CCNL1: variants seen among roughly 807,000 people sequenced by gnomAD.
CCNL1 encodes the protein cyclin-L1.
In CCNL1, 13 loss-of-function variants were observed where a neutral mutation model predicts 60.6. The observed-to-expected ratio is 0.21, with a 90% CI of 0.14 to 0.34. The LOEUF (loss-of-function observed/expected upper bound fraction) is 0.34, where lower values mean the gene tolerates loss of function less well. Ranked by LOEUF, CCNL1 falls within the 10% of genes least tolerant of loss-of-function variation. The pLI is 1.00. For missense variants in CCNL1, 481 were observed against 664.3 expected (o/e 0.72, Z 3.03); for synonymous variants, 270 against 244.3 (o/e 1.10, Z -0.98).
chr3:157,147,157 G>A (rs1737811851), downstream of CCNL1, among the ~76,000 whole-genome samples: 1 of 152,042 alleles, frequency 6.6e-6, no homozygotes, highest in Non-Finnish European at 1.5e-5. Context: ...AAGTCTAGTG[G>A]ACAATTAAAG....
rs1359647959 is a variant in CCNL1 at position 157,148,375 on chromosome 3, C to G, written c.1447G>C (p.Asp483His). The G allele has an allele frequency of 3.7e-6, 6 of 1,614,198 alleles. No individual in the cohort carries two copies. Among genetic ancestry groups the G allele is most frequent in the Admixed American group, 1.7e-5 (1 of 60,022 alleles). Residue 483 changes from aspartate to histidine, a missense_variant, in exon 11 of 11, where the codon GAT becomes CAT. Transcript: ENST00000295926. ...RSQSKSRDHS[D>H]AAKKHRHERG... ...TCATGCCTGTGTTTCTTGGCTGCAT[C>G]TGAGTGATCCCGAGACTTGCTCTGA... is the stretch of plus-strand genomic sequence containing the variant.
chr3:157,145,266 C>A (rs1737744970), downstream of CCNL1, among the ~76,000 whole-genome samples: 1 of 151,672 alleles, frequency 6.6e-6, no homozygotes, highest in Admixed American at 6.6e-5. Context: ...GAAACCCCGT[C>A]TCTACTAAAA....
chr3:157,159,588 GCCGCTGCGAACAGC>G, intron 1 of CCNL1, 109 bp from the exon 2 acceptor site: 1 of 1,138,654 alleles, frequency 8.8e-7, no homozygotes, highest in Non-Finnish European at 1.3e-6. Context: ...CGCCGCCGCC[GCCGCTGCGAACAGC>G]CCGCTGCCAA....
chr3:157,158,438 A>T (rs1400413875), intron 3 of CCNL1, among the ~76,000 whole-genome samples: 1 of 152,218 alleles, frequency 6.6e-6, no homozygotes, highest in Non-Finnish European at 1.5e-5. Context: ...ATTAACTGGG[A>T]CTTCGAGTAG....
At chr3:157,159,766 G>A (rs1409429512) in intron 1 of CCNL1, 26 bp downstream of exon 1, 1 of 1,504,206 alleles carries the variant, frequency 6.6e-7, no homozygotes, top group Non-Finnish European at 8.9e-7. Flanking sequence ...AGGAGCGCCC[G>A]GCCGGCCCGG....
In CCNL1 at chr3:157,148,348, T is replaced by C; in HGVS notation, c.1474A>G (p.Arg492Gly). ...TCACGCCTGTCCCTATGATGTCCCCTTTCATGCCTGTGTTTCTTGGCTGCA... is the reference window on the plus strand; with the variant it reads ...TCACGCCTGTCCCTATGATGTCCCCCTTCATGCCTGTGTTTCTTGGCTGCA... ...SDAAKKHRHERGHHRDRRERS... is the reference protein window; with the variant it reads ...SDAAKKHRHEGGHHRDRRERS... The change falls in exon 11 of 11, where the codon AGG (arginine) becomes GGG (glycine). Residue 492 changes from arginine to glycine, a missense_variant. By Grantham distance (125) the Arg-to-Gly change is moderately radical. Around this residue, in one of 5 missense-constraint regions of CCNL1, gnomAD observed 197 missense variants for 233.9 expected, o/e 0.84. Transcript: ENST00000295926. 6.2e-7 allele frequency: 1 copy of C among 1,614,244 alleles called. No homozygotes were observed. The highest frequency in any genetic ancestry group is 1.7e-5 in the Admixed American group (1 of 60,022).
chr3:157,158,924 T>C lies in CCNL1; in HGVS notation c.430A>G (p.Arg144Gly). ...ACATTAATCACATCTCTTATTCTTC[T>C]AGGTGCTTCTTCGATTTTTGATGCA... is the stretch of plus-strand genomic sequence containing the variant. ...NLASKIEEAP[R>G]RIRDVINVFH... The change falls in exon 3 of 11, where the codon AGA becomes GGA. Residue 144 changes from arginine (R) to glycine (G), a missense_variant. Coordinates refer to ENST00000295926, the MANE Select transcript of CCNL1 (RefSeq NM_020307.4). 2 of 1,613,696 alleles carry C rather than the reference T, an allele frequency of 1.2e-6. No homozygotes were observed. The highest frequency in any genetic ancestry group is 1.7e-6 in the Non-Finnish European group (2 of 1,179,874).
At chr3:157,143,307 A>C (rs1737699088), downstream of CCNL1, among the ~76,000 whole-genome samples, 1 of 152,234 alleles carries the variant, frequency 6.6e-6, no homozygotes, top group Non-Finnish European at 1.5e-5. Flanking sequence ...GATGTTGTTT[A>C]CATCTATGAA....
chr3:157,150,939 GC>G, intron 5 of CCNL1: 1 of 982,206 alleles, frequency 1.0e-6, no homozygotes, highest in Non-Finnish European at 1.2e-6. Flanking sequence ...ACATATAATG[GC>G]CTTGTTTACA....
chr3:157,147,989 A>T lies in CCNL1; in HGVS notation c.*252T>A. The T allele has an allele frequency of 8.1e-7, 1 of 1,231,840 alleles. No individual in the cohort carries two copies. Among genetic ancestry groups the T allele is most frequent in the South Asian group, 3.1e-5 (1 of 32,110 alleles). The allele number at this position is 1,231,840 out of a possible 1,614,324, so 76.3% of individuals were successfully genotyped here. Reference sequence around the variant, plus strand: ...CGCTCCAGTTCTTATAGCAATAAACAATACACAACTATAATAAAGTACAAT... The same window carrying T: ...CGCTCCAGTTCTTATAGCAATAAACTATACACAACTATAATAAAGTACAAT... On this transcript the variant is annotated 3_prime_UTR_variant, in exon 11 of 11. Transcript: ENST00000295926.
chr3:157,152,987 AG>A, intron 4 of CCNL1, 48 bp downstream of exon 4: 1 of 1,586,678 alleles, frequency 6.3e-7, no homozygotes, highest in Non-Finnish European at 8.5e-7. Flanking sequence ...TAAAATTTTT[AG>A]AAAAGTCCTA....
intron 3 of CCNL1, chr3:157,157,032 A>T: frequency 2.3e-6 from 3 of 1,289,836 alleles, no homozygotes; most frequent in Non-Finnish European, 3.0e-6. Flanking sequence ...CGACAGCTTC[A>T]TCTCTATGTA....
In CCNL1 at chr3:157,160,029, C is replaced by G. The variant is rs761549843; in HGVS notation, c.66G>C (p.Ala22=). The G allele has an allele frequency of 1.3e-6, 2 of 1,568,450 alleles. No individual in the cohort carries two copies. The highest frequency in any genetic ancestry group is 2.4e-5 in the East Asian group (1 of 42,324). ...TCGTCGTCCCGGAGCTGGAGCCGCC[C>G]GCGCTTGGGGCGGCCGATGAGGCGG... ...AAAASSAAPS[A]GGSSSGTTTT... Residue 22 remains alanine (A), a synonymous_variant, in exon 1 of 11, where the codon GCG becomes GCC. Coordinates refer to ENST00000295926, the MANE Select transcript of CCNL1 (RefSeq NM_020307.4).
intron 8 of CCNL1, 68 bp from the exon 9 acceptor site, chr3:157,149,664 A>G: frequency 6.6e-7 from 1 of 1,511,090 alleles, no homozygotes; most frequent in Admixed American, 1.9e-5. Flanking sequence ...TTGTTTCTAA[A>G]TGTAACTCAA....
At chr3:157,152,532 A>G (rs1415225628) in intron 4 of CCNL1, 2 of 1,100,436 alleles carry the variant, frequency 1.8e-6, no homozygotes, top group Admixed American at 9.8e-5. Context: ...TATTTCACCT[A>G]ATTTCCCAAG....
In CCNL1 at chr3:157,152,785, C is replaced by T. The variant is rs141044727; in HGVS notation, c.609+251G>A. On this transcript the variant is annotated intron_variant, in intron 4 of 10. Transcript: ENST00000295926. ...CTAGGTGGAAAAACTGGGACTTTAA[C>T]CACAGAAACAAAAATAACTTCTCTA... is the stretch of plus-strand genomic sequence containing the variant. The T allele has an allele frequency of 6.2e-4, 759 of 1,215,360 alleles. 5 individuals are homozygous for T. The African/African-American group carries it at 0.011, about 18-fold the overall frequency. The allele number at this position is 1,215,360 out of a possible 1,614,324, so 75.3% of individuals were successfully genotyped here.
chr3:157,149,365 C>G lies in CCNL1; in HGVS notation c.1154G>C (p.Arg385Thr), dbSNP rs540554021. ...PYNGVRKDSK[R>T]SRNSRSASRS... ...ACTTGCACTTCTGCTATTTCTACTT[C>G]TCTTGCTGTCTTTTCTTACACTTCA... The change falls in exon 10 of 11, where the codon AGA (arginine) becomes ACA (threonine). Residue 385 changes from arginine (R) to threonine (T), a missense_variant. Arg to Thr is a moderately conservative substitution (Grantham distance 71). This residue lies in a region of CCNL1 where 197 missense variants were observed against 233.9 expected (regional missense o/e 0.84). Coordinates refer to ENST00000295926, the MANE Select transcript of CCNL1 (RefSeq NM_020307.4). 2 of 1,614,018 alleles carry G rather than the reference C, an allele frequency of 1.2e-6. No individual in the cohort carries two copies. The highest frequency in any genetic ancestry group is 1.7e-5 in the Admixed American group (1 of 60,018).
At position 157,149,945 on chromosome 3, in the gene CCNL1, T is replaced by A; in HGVS notation, c.912A>T (p.Glu304Asp). 2.5e-6 allele frequency: 4 copies of A among 1,613,706 alleles called. No individual in the cohort carries two copies. The highest frequency in any genetic ancestry group is 3.4e-6 in the Non-Finnish European group (4 of 1,179,916). Residue 304 changes from glutamate (E) to aspartate (D), a missense_variant, in exon 8 of 11, where the codon GAA (glutamate) becomes GAT (aspartate). Physicochemically the swap from Glu to Asp is conservative, Grantham distance 45. Coordinates refer to ENST00000295926, the MANE Select transcript of CCNL1 (RefSeq NM_020307.4). ...CTTCTTGTAAGGCTACTTTTCTTTT[T>A]TCTACTTCTTTTTCCAGTAATTCAT... The part of the protein sequence containing the change: ...PNYELLEKEV[E>D]KRKVALQEAK...
intron 2 of CCNL1, 111 bp downstream of exon 2, chr3:157,159,294 A>C: frequency 1.1e-6 from 1 of 935,974 alleles, no homozygotes; most frequent in Admixed American, 2.2e-5. Flanking sequence ...AGTAGGTACA[A>C]AGGCCTAAAC....
Sources: allele counts gnomAD v4.1 joint callset (sites outside exome capture counted in the v4.1 genomes callset), GRCh38; gene constraint gnomAD v4.1.1; regional missense constraint gnomAD v4.1.1; transcripts MANE v1.5; gene names NCBI Gene and HGNC (gene_info 2026-07-23, HGNC 2026-07-21).